The following FBLN1 variants were observed in gnomAD, a reference collection of about 807,000 sequenced individuals.
FBLN1 encodes fibulin 1.
FBLN1 carries 34 observed loss-of-function variants against 89.7 expected under a neutral mutation model. The observed-to-expected ratio is 0.38, with a 90% CI of 0.29 to 0.50. The LOEUF (loss-of-function observed/expected upper bound fraction) is 0.50, where lower values mean the gene tolerates loss of function less well. FBLN1 is among the 20% of genes least tolerant of loss of function. The pLI is 0.92. For missense variants in FBLN1, 777 were observed against 988.1 expected, an observed-to-expected ratio of 0.79 and a Z score of 2.86; for synonymous variants, 393 against 391.3, an observed-to-expected ratio of 1.00 and a Z score of -0.05.
rs1298066116 is a variant in FBLN1, at chr22:45,600,530, C to T, written c.*84C>T. On this transcript the variant is annotated 3_prime_UTR_variant, in exon 17 of 17. Coordinates refer to ENST00000327858, the MANE Select transcript of FBLN1 (RefSeq NM_006486.3). Reference sequence around the variant, plus strand: ...ACTGTGGTCTGTACTTGTTTATACCCTCAGACTTTTTTAATGTTAGGTATT... The same window carrying T: ...ACTGTGGTCTGTACTTGTTTATACCTTCAGACTTTTTTAATGTTAGGTATT... 3 of 1,512,246 alleles carry T rather than the reference C, an allele frequency of 2.0e-6. No homozygotes were observed. The East Asian group carries it at 6.8e-5, about 34-fold the overall frequency. The allele number at this position is 1,512,246 out of a possible 1,614,324, so 93.7% of individuals were successfully genotyped here.
At chr22:45,526,319 G>T (rs904420306) in intron 3 of FBLN1, among the ~76,000 whole-genome samples, 1 of 152,180 alleles carries the variant, frequency 6.6e-6, no homozygotes, top group South Asian at 2.1e-4. Context: ...ACTCAGGACC[G>T]CTATGGCCGT....
Position 45,504,089 on chromosome 22 carries a change from G to T in FBLN1, c.79+1025G>T, listed in dbSNP as rs572529268. ...AGGGGAGTGCCCTAGACCACCCTCAGAATCCGAGTCTTAATCCCTGGTTTA... is the reference window on the plus strand; with the variant it reads ...AGGGGAGTGCCCTAGACCACCCTCATAATCCGAGTCTTAATCCCTGGTTTA... On this transcript the variant is annotated intron_variant, in intron 1 of 16. Coordinates refer to ENST00000327858, the MANE Select transcript of FBLN1 (RefSeq NM_006486.3). 9.9e-5 allele frequency among the ~76,000 whole-genome samples: 15 copies of T among 152,236 alleles called. 1 individual carries two copies. In the South Asian group the frequency reaches 3.1e-3, roughly 32 times the overall value.
chr22:45,592,470 G>A (rs1251608817), intron 16 of FBLN1, among the ~76,000 whole-genome samples: 3 of 152,104 alleles, frequency 2.0e-5, no homozygotes, highest in African/African-American at 7.2e-5. Flanking sequence ...TGGGATTATA[G>A]GCGCCTGCCA....
chr22:45,565,131 G>T, intron 14 of FBLN1: 5 of 1,584,840 alleles, frequency 3.2e-6, no homozygotes, highest in Non-Finnish European at 4.3e-6. Flanking sequence ...TGCCAGGTTT[G>T]CACCAGCCTC....
chr22:45,534,029 C>T lies in FBLN1; in HGVS notation c.784+131C>T, dbSNP rs1386464680. On this transcript the variant is annotated intron_variant, in intron 7 of 16. Coordinates refer to ENST00000327858, the MANE Select transcript of FBLN1 (RefSeq NM_006486.3). The stretch of plus-strand genomic sequence containing the variant: ...GTGGCTGCCTGGGCGACTGCCTGCT[C>T]ATCTGCAGGAGGGAGGTGGTTATAC... 4.0e-6 allele frequency: 5 copies of T among 1,257,370 alleles called. No individual in the cohort carries two copies. In the East Asian group the frequency reaches 9.4e-5, roughly 24 times the overall value. 77.9% of individuals were successfully genotyped at this position (1,257,370 alleles called of 1,614,324 possible). A position where few individuals can be genotyped will look rare whatever the true frequency, so the allele number is the denominator to read the frequency against.
In FBLN1 at chr22:45,600,641, T is replaced by G. The variant is rs1920925701; in HGVS notation, c.*195T>G. The G allele has an allele frequency of 1.5e-6, 1 of 675,882 alleles. No homozygotes were observed. The highest frequency in any genetic ancestry group is 2.8e-5 in the East Asian group (1 of 36,100). The allele number at this position is 675,882 out of a possible 1,614,324, so 41.9% of individuals were successfully genotyped here. On this transcript the variant is annotated 3_prime_UTR_variant, in exon 17 of 17. Coordinates refer to ENST00000327858, the MANE Select transcript of FBLN1 (RefSeq NM_006486.3). Reference sequence around the variant, plus strand: ...TTCGGTGTTTAAAAAATGAGCCCAGTTGCTCAACTGTTTGGTTGAAAACCT... The same window carrying G: ...TTCGGTGTTTAAAAAATGAGCCCAGGTGCTCAACTGTTTGGTTGAAAACCT...
intron 14 of FBLN1, chr22:45,558,073 G>T (rs1470194381): frequency 1.4e-5 from 10 of 716,784 alleles, no homozygotes. Flanking sequence ...TCTGTCAGAT[G>T]ATCGTAGGGA....
At position 45,557,269 on chromosome 22, in the gene FBLN1, C is replaced by A. The variant is rs993853646; in HGVS notation, c.1697+6654C>A. Among the ~76,000 whole-genome samples the A allele has an allele frequency of 2.0e-5, 3 of 152,160 alleles. No individual in the cohort carries two copies. Among genetic ancestry groups the A allele is most frequent in the African/African-American group, 7.2e-5 (3 of 41,418 alleles). ...GTGAACCCACGGATGGTAGTCTTGG[C>A]AGAAGCATCGTGTGCAGGATAGGCA... On this transcript the variant is annotated intron_variant, in intron 14 of 16. Transcript: ENST00000327858. This position sits in a 1 kb window ranked among gnomAD's most constrained non-coding sequence, Gnocchi z 4.9.
chr22:45,560,579 C>T (rs780445366), intron 14 of FBLN1, among the ~76,000 whole-genome samples: 3 of 152,170 alleles, frequency 2.0e-5, no homozygotes, highest in Non-Finnish European at 4.4e-5. Context: ...TTTTTAACTC[C>T]CCGAGTTGCA....
At position 45,579,146 on chromosome 22, in the gene FBLN1, C is replaced by T. The variant is rs528709867; in HGVS notation, c.1972+2038C>T. The stretch of plus-strand genomic sequence containing the variant: ...TGGGCCTAGAACCAGCACCCACCAG[C>T]GCCTTTCTCTGGCTGCATCTGCTCC... On this transcript the variant is annotated intron_variant, in intron 16 of 16. Transcript: ENST00000327858. The surrounding 1 kb of genome is among the most constrained non-coding windows in gnomAD (Gnocchi z 5.5). Among the ~76,000 whole-genome samples, 5 of 152,356 alleles carry T rather than the reference C, an allele frequency of 3.3e-5. No homozygotes were observed. In the South Asian group the frequency reaches 6.2e-4, roughly 19 times the overall value.
intron 2 of FBLN1, among the ~76,000 whole-genome samples, chr22:45,521,284 G>T (rs1230639277): frequency 1.3e-5 from 2 of 152,182 alleles, no homozygotes; most frequent in African/African-American, 4.8e-5. Context: ...AGACTCCTGG[G>T]TATCGTGAGT....
chr22:45,596,191 T>A lies in FBLN1; in HGVS notation c.1973-4116T>A, dbSNP rs2089184682. Among the ~76,000 whole-genome samples the A allele has an allele frequency of 2.0e-5, 3 of 152,204 alleles. No individual in the cohort carries two copies. In the South Asian group the frequency reaches 6.2e-4, roughly 31 times the overall value. ...GCCAAAGGTTGCTGTTTTTAATCCC[T>A]GTTCATAGAAGAGGAAATTGAGACT... On this transcript the variant is annotated intron_variant, in intron 16 of 16. Transcript: ENST00000327858.
chr22:45,576,244 C>T lies in FBLN1; in HGVS notation c.1841-733C>T, dbSNP rs1379383544. 6.6e-6 allele frequency among the ~76,000 whole-genome samples: 1 copy of T among 152,216 alleles called. No homozygotes were observed. Among genetic ancestry groups the T allele is most frequent in the Admixed American group, 6.5e-5 (1 of 15,290 alleles). On this transcript the variant is annotated intron_variant, in intron 15 of 16. Transcript: ENST00000327858. The surrounding 1 kb of genome is among the most constrained non-coding windows in gnomAD (Gnocchi z 5.2). ...TTCACCAAACCACATACAAATCCTTCCCAAATCCCCAGTGGCTGGTTTTGT... is the reference window on the plus strand; with the variant it reads ...TTCACCAAACCACATACAAATCCTTTCCAAATCCCCAGTGGCTGGTTTTGT...
chr22:45,547,199 G>C lies in FBLN1; in HGVS notation c.1436G>C (p.Cys479Ser), dbSNP rs1259185125. ...YQLSDVDGVT[C>S]EDIDECALPT... The stretch of plus-strand genomic sequence containing the variant: ...CTCAGCGATGTGGATGGAGTCACCT[G>C]TGAAGGTGCGGACGCCCCTGCCTGC... Residue 479 changes from cysteine (C) to serine (S), a missense_variant, in exon 12 of 17, where the codon TGT becomes TCT. Cys to Ser is a moderately radical substitution (Grantham distance 112, BLOSUM62 -1). Transcript: ENST00000327858. 1.2e-6 allele frequency: 2 copies of C among 1,613,788 alleles called. No individual in the cohort carries two copies. Among genetic ancestry groups the C allele is most frequent in the Admixed American group, 3.3e-5 (2 of 60,010 alleles).
In FBLN1 at chr22:45,581,919, G is replaced by A. The variant is rs1329552203; in HGVS notation, c.1972+4811G>A. ...GAGGGTCGAGGGGAGGCCGAAAGGG[G>A]CTGCAGGGCCAGGCCTTGGTGGATG... On this transcript the variant is annotated intron_variant, in intron 16 of 16. Coordinates refer to ENST00000327858, the MANE Select transcript of FBLN1 (RefSeq NM_006486.3). This position sits in a 1 kb window ranked among gnomAD's most constrained non-coding sequence, Gnocchi z 7.6. 2.0e-5 allele frequency among the ~76,000 whole-genome samples: 3 copies of A among 152,302 alleles called. No homozygotes were observed. In the East Asian group the frequency reaches 5.8e-4, roughly 29 times the overall value.
In FBLN1 at chr22:45,597,281, G is replaced by T. The variant is rs573638185; in HGVS notation, c.1973-3026G>T. On this transcript the variant is annotated intron_variant, in intron 16 of 16. Transcript: ENST00000327858. The surrounding 1 kb of genome is among the most constrained non-coding windows in gnomAD (Gnocchi z 4.2). ...CTCCCAAAGTGCTGGGATTACAAGC[G>T]TGAGCCACTGCACCCAGCTGAAACA... Among the ~76,000 whole-genome samples, 2 of 152,178 alleles carry T rather than the reference G, an allele frequency of 1.3e-5. No individual in the cohort carries two copies. Among genetic ancestry groups the T allele is most frequent in the African/African-American group, 4.8e-5 (2 of 41,436 alleles).
At chr22:45,523,127 T>TG in intron 2 of FBLN1, 1 of 776,938 alleles carries the variant, frequency 1.3e-6, no homozygotes, top group Non-Finnish European at 2.4e-6. Context: ...AGGACCTGAA[T>TG]GGGGCGTGGG....
intron 16 of FBLN1, among the ~76,000 whole-genome samples, chr22:45,591,049 C>T (rs1398199197): frequency 6.6e-6 from 1 of 152,114 alleles, no homozygotes; most frequent in Non-Finnish European, 1.5e-5. Flanking sequence ...GTCACAAGTT[C>T]ACTTCTCCTA....
intron 8 of FBLN1, among the ~76,000 whole-genome samples, chr22:45,539,793 C>G (rs2088531321): frequency 1.3e-5 from 2 of 152,202 alleles, no homozygotes; most frequent in Admixed American, 1.3e-4. Flanking sequence ...CAGGTCTTAC[C>G]CCTGTGGAGT....
Sources: allele counts gnomAD v4.1 joint callset (sites outside exome capture counted in the v4.1 genomes callset), GRCh38; gene constraint gnomAD v4.1.1; non-coding constraint Gnocchi (gnomAD v3.1); transcripts MANE v1.5; gene names NCBI Gene and HGNC (gene_info 2026-07-23, HGNC 2026-07-21).